The following COL22A1 variants were observed in gnomAD, a reference collection of about 807,000 sequenced individuals.
The protein encoded by COL22A1 is collagen type XXII alpha 1 chain.
COL22A1 carries 221 observed loss-of-function variants against 248.9 expected under a neutral mutation model. The ratio of observed to expected loss-of-function variants is 0.89; its 90% CI spans 0.80 to 0.99. COL22A1 has a LOEUF of 0.99. COL22A1 is among the 50% of genes least tolerant of loss of function. COL22A1 has a pLI of 0.00. For missense variants in COL22A1, 2,240 were observed against 2,179.0 expected (o/e 1.03, Z -0.56); for synonymous variants, 891 against 793.4 (o/e 1.12, Z -2.07).
intron 4 of COL22A1, among the ~76,000 whole-genome samples, chr8:138,842,560 C>G (rs112179218): frequency 2.0e-5 from 3 of 152,156 alleles, no homozygotes; most frequent in African/African-American, 7.2e-5. Flanking sequence ...GCCAGAGCCT[C>G]GCTGGGGATT....
chr8:138,659,083 C>A (rs1364616658), intron 44 of COL22A1, among the ~76,000 whole-genome samples: 1 of 152,164 alleles, frequency 6.6e-6, no homozygotes, highest in Admixed American at 6.5e-5. Flanking sequence ...ACTCTCCCTG[C>A]ACTTCACCAG....
chr8:138,817,016 A>G (rs1230939506), intron 7 of COL22A1, among the ~76,000 whole-genome samples: 1 of 152,176 alleles, frequency 6.6e-6, no homozygotes. Context: ...GATCTCACTT[A>G]ATCCTCACAA....
At chr8:138,878,397 T>G (rs1365108198) in intron 2 of COL22A1, 81 bp from the exon 3 acceptor site, 1 of 1,190,274 alleles carries the variant, frequency 8.4e-7, no homozygotes, top group Non-Finnish European at 1.1e-6. Context: ...GTCACTGGGG[T>G]CACACACACC....
chr8:138,824,282 C>T (rs956962324), intron 6 of COL22A1, among the ~76,000 whole-genome samples: 1 of 152,186 alleles, frequency 6.6e-6, no homozygotes, highest in South Asian at 2.1e-4. Context: ...GGGAGGGCAT[C>T]CAGCAGTCCG....
chr8:138,789,250 T>C (rs2131575131), intron 12 of COL22A1, among the ~76,000 whole-genome samples: 1 of 152,348 alleles, frequency 6.6e-6, no homozygotes, highest in Middle Eastern at 3.4e-3. Flanking sequence ...CTGCAGCACC[T>C]CTATTTATTC....
intron 12 of COL22A1, 126 bp from the exon 13 acceptor site, chr8:138,781,106 TG>T (rs1325694900): frequency 2.9e-6 from 2 of 699,842 alleles, no homozygotes; most frequent in Non-Finnish European, 5.0e-6. Flanking sequence ...GCTCAAAAAT[TG>T]ATCCACAAGC....
intron 52 of COL22A1, chr8:138,620,575 G>A (rs2131938849): frequency 6.6e-6 from 1 of 152,276 alleles, no homozygotes; most frequent in Non-Finnish European, 1.5e-5. Context: ...TTGTGATAGA[G>A]GGTGTACATA....
chr8:138,817,667 G>C (rs1044821125), intron 7 of COL22A1, among the ~76,000 whole-genome samples: 1 of 152,150 alleles, frequency 6.6e-6, no homozygotes, highest in Non-Finnish European at 1.5e-5. Context: ...ACCTTGGAGA[G>C]TACCAGAAGC....
chr8:138,693,901 C>T (rs1478512529), intron 34 of COL22A1, among the ~76,000 whole-genome samples: 2 of 152,088 alleles, frequency 1.3e-5, no homozygotes, highest in African/African-American at 4.8e-5. Context: ...GATTTCATTC[C>T]ATCCTCACCA....
chr8:138,693,805 TC>T (rs1827273632), intron 34 of COL22A1, 106 bp from the exon 35 acceptor site: 1 of 1,246,262 alleles, frequency 8.0e-7, no homozygotes, highest in African/African-American at 1.5e-5. Context: ...GAAGCATTAT[TC>T]CAAACTGAAG....
chr8:138,789,356 A>C (rs758929508), intron 12 of COL22A1, among the ~76,000 whole-genome samples: 1 of 152,210 alleles, frequency 6.6e-6, no homozygotes, highest in Non-Finnish European at 1.5e-5. Context: ...TATCGTAAAA[A>C]TAGAAGGCAC....
rs750494967 is a variant in COL22A1 at position 138,718,713 on chromosome 8, C to T, written c.2356-1844G>A. Among the ~76,000 whole-genome samples the T allele has an allele frequency of 3.3e-5, 5 of 152,300 alleles. 1 individual carries two copies. Among genetic ancestry groups the T allele is most frequent in the South Asian group, 4.1e-4 (2 of 4,826 alleles). On this transcript the variant is annotated intron_variant, in intron 27 of 64. Transcript: ENST00000303045. ...TAGGACTATGAGTATGTTGGAAAAG[C>T]GTCATGACCGGAGAAATTCAGTTTT...
At chr8:138,848,164 CTGGT>C (rs1272787004) in intron 3 of COL22A1, among the ~76,000 whole-genome samples, 1 of 152,176 alleles carries the variant, frequency 6.6e-6, no homozygotes, top group African/African-American at 2.4e-5. Context: ...GGCTGGTTCA[CTGGT>C]TGATTTTCCT....
intron 12 of COL22A1, 68 bp downstream of exon 12, chr8:138,796,751 C>T (rs564810883): frequency 3.8e-6 from 4 of 1,052,688 alleles, no homozygotes; most frequent in East Asian, 2.4e-5. Flanking sequence ...CAGTAGCACA[C>T]ACCTCCCCCA....
intron 4 of COL22A1, among the ~76,000 whole-genome samples, chr8:138,843,881 T>C (rs1437072148): frequency 6.6e-6 from 1 of 152,138 alleles, no homozygotes; most frequent in African/African-American, 2.4e-5. Flanking sequence ...AAATGGAAAA[T>C]GTGAATGTAT....
At chr8:138,693,077 C>G (rs1283308495) in intron 35 of COL22A1, among the ~76,000 whole-genome samples, 1 of 152,176 alleles carries the variant, frequency 6.6e-6, no homozygotes, top group Non-Finnish European at 1.5e-5. Context: ...AGCCTGAGCT[C>G]TCTGGCTCCG....
chr8:138,741,979 G>A (rs1445439292), intron 22 of COL22A1, among the ~76,000 whole-genome samples: 1 of 151,772 alleles, frequency 6.6e-6, no homozygotes, highest in African/African-American at 2.4e-5. Context: ...TGATGGTAGA[G>A]TTGATGGTGA....
At chr8:138,630,215 G>A (rs941487675) in intron 50 of COL22A1, among the ~76,000 whole-genome samples, 3 of 152,124 alleles carry the variant, frequency 2.0e-5, no homozygotes, top group East Asian at 1.9e-4. Flanking sequence ...CACTGGTTGC[G>A]GTTTGGGATC....
chr8:138,740,062 G>T (rs556595805), intron 22 of COL22A1, among the ~76,000 whole-genome samples: 1 of 152,254 alleles, frequency 6.6e-6, no homozygotes, highest in South Asian at 2.1e-4. Context: ...GCTAAGAGTT[G>T]CCAGCTCCCC....
Sources: allele counts gnomAD v4.1 joint callset (sites outside exome capture counted in the v4.1 genomes callset), GRCh38; gene constraint gnomAD v4.1.1; transcripts MANE v1.5; gene names NCBI Gene and HGNC (gene_info 2026-07-23, HGNC 2026-07-21).